Variants in MALRD1 observed in about 807,000 individuals in gnomAD.
The protein encoded by MALRD1 is MAM and LDL receptor class A domain containing 1, also known as MAM and LDL-receptor class A domain-containing protein 1.
A neutral mutation model predicts 242.1 loss-of-function variants in MALRD1; 247 were observed. The ratio of observed to expected loss-of-function variants is 1.02; its 90% confidence interval spans 0.92 to 1.13. The LOEUF is 1.13. MALRD1 is among the 50% of genes most tolerant of loss of function. The pLI, the probability that MALRD1 is intolerant of heterozygous loss-of-function variation, is 0.00. For missense variants in MALRD1, 2,989 were observed against 2,533.1 expected (o/e 1.18, Z -3.86); for synonymous variants, 995 against 866.6 (o/e 1.15, Z -2.60).
rs115374275 is a variant in MALRD1 at position 19,295,726 on chromosome 10, G to A, written c.3419+12545G>A. Reference sequence around the variant, plus strand: ...TCAAGCTCCAGGAAGGTAGAAAGGAGGCTATTTTGTTCAACACTGTAGCCC... The same window carrying A: ...TCAAGCTCCAGGAAGGTAGAAAGGAAGCTATTTTGTTCAACACTGTAGCCC... On this transcript the variant is annotated intron_variant, in intron 21 of 39. Transcript: ENST00000454679. 6.0e-3 allele frequency among the ~76,000 whole-genome samples: 910 copies of A among 152,174 alleles called. 16 individuals carry two copies. The highest frequency in any genetic ancestry group is 0.021 in the African/African-American group (865 of 41,530).
At chr10:19,471,819 C>T (rs10764031) in intron 29 of MALRD1, among the ~76,000 whole-genome samples, 130,631 of 151,584 alleles carry the variant, frequency 0.86, 56,448 homozygotes, top group East Asian at 1. Flanking sequence ...ACAGGGTTTT[C>T]TTTGTGGATT....
At chr10:19,645,206 G>A (rs544792569) in intron 36 of MALRD1, among the ~76,000 whole-genome samples, 45 of 152,132 alleles carry the variant, frequency 3.0e-4, no homozygotes, top group African/African-American at 1.0e-3. Context: ...TTAGAATGGC[G>A]ATCATTAAAA....
At chr10:19,516,063 A>G (rs1833614460) in intron 31 of MALRD1, among the ~76,000 whole-genome samples, 1 of 152,240 alleles carries the variant, frequency 6.6e-6, no homozygotes, top group Non-Finnish European at 1.5e-5. Context: ...TTTTTAATAT[A>G]GAGATAACAT....
At chr10:19,434,133 T>C (rs979941391) in intron 28 of MALRD1, among the ~76,000 whole-genome samples, 1 of 152,168 alleles carries the variant, frequency 6.6e-6, no homozygotes, top group Non-Finnish European at 1.5e-5. Context: ...GAGTCACATA[T>C]TGCCCCAAAT....
In MALRD1 at chr10:19,681,144, A is replaced by G. The variant is rs552613807; in HGVS notation, c.6138-11138A>G. Among the ~76,000 whole-genome samples, 43 of 152,164 alleles carry G rather than the reference A, an allele frequency of 2.8e-4. No individual in the cohort carries two copies. The South Asian group carries it at 8.1e-3, about 29-fold the overall frequency. ...CTTGGGGTTGGTCTTCTTCTGGAGT[A>G]TCTTACTGAGGTTCTCTTGATTTCC... On this transcript the variant is annotated intron_variant, in intron 36 of 39. Transcript: ENST00000454679.
At position 19,061,788 on chromosome 10, in the gene MALRD1, C is replaced by T. The variant is rs75876554; in HGVS notation, c.200-4931C>T. On this transcript the variant is annotated intron_variant, in intron 1 of 39. Coordinates refer to ENST00000454679, the MANE Select transcript of MALRD1 (RefSeq NM_001142308.3). ...TTATACCATATACAACAAGGTACCT[C>T]AAAATGGATTGAAGACCTAACTGTA... Among the ~76,000 whole-genome samples the T allele has an allele frequency of 5.0e-3, 764 of 152,204 alleles. 13 individuals are homozygous for T. The highest frequency in any genetic ancestry group is 0.017 in the African/African-American group (717 of 41,534).
At chr10:19,418,775 G>T (rs1013395526) in intron 28 of MALRD1, among the ~76,000 whole-genome samples, 2 of 152,236 alleles carry the variant, frequency 1.3e-5, no homozygotes, top group East Asian at 3.9e-4. Flanking sequence ...AATTGTGATT[G>T]TCTCTCAGTT....
At chr10:19,566,512 T>TA (rs1836264208) in intron 32 of MALRD1, among the ~76,000 whole-genome samples, 1 of 151,574 alleles carries the variant, frequency 6.6e-6, no homozygotes, top group Non-Finnish European at 1.5e-5. Flanking sequence ...GATTTTTTAG[T>TA]AAGAGGGAGG....
chr10:19,709,626 G>A (rs1310598155), intron 38 of MALRD1, among the ~76,000 whole-genome samples: 3 of 152,094 alleles, frequency 2.0e-5, no homozygotes, highest in Admixed American at 6.6e-5. Context: ...TGGGTCCTAA[G>A]TATTCCCTAG....
chr10:19,279,242 G>T (rs954379407), intron 19 of MALRD1, among the ~76,000 whole-genome samples: 9 of 152,182 alleles, frequency 5.9e-5, no homozygotes, highest in African/African-American at 1.9e-4. Flanking sequence ...TTTTGTGATT[G>T]TTGTTGTTTT....
At chr10:19,142,233 A>G (rs72790766) in intron 10 of MALRD1, among the ~76,000 whole-genome samples, 1,633 of 151,514 alleles carry the variant, frequency 0.011, 12 homozygotes, top group Middle Eastern at 0.034. Context: ...GGGAAAGGAA[A>G]TACCAATATA....
Position 19,133,865 on chromosome 10 carries a change from A to G in MALRD1, c.1120A>G (p.Ile374Val). Residue 374 changes from isoleucine to valine, a missense_variant, in exon 9 of 40, where the codon ATA (isoleucine) becomes GTA (valine). Transcript: ENST00000454679. ...VRLYNNKEEE[I>V]FWTYNISTHS... is the part of the protein sequence containing the mutation. ...TCTCTTCAAATCAAAGGAAGAAGAA[A>G]TATTTTGGACATACAACATATCAAC... is the stretch of plus-strand genomic sequence containing the variant. 1 of 1,228,220 alleles carries G rather than the reference A, an allele frequency of 8.1e-7. No individual in the cohort carries two copies. The highest frequency in any genetic ancestry group is 1.0e-6 in the Non-Finnish European group (1 of 984,886). The allele number at this position is 1,228,220 out of a possible 1,614,324, so 76.1% of individuals were successfully genotyped here.
chr10:19,448,259 T>C (rs1005992746), intron 28 of MALRD1, among the ~76,000 whole-genome samples: 4 of 152,176 alleles, frequency 2.6e-5, no homozygotes, highest in African/African-American at 4.8e-5. Context: ...TATAAATCTA[T>C]TGGAACATTT....
intron 24 of MALRD1, among the ~76,000 whole-genome samples, chr10:19,341,462 ATGTATATATGTATATATATG>A (rs1843852045): frequency 8.7e-6 from 1 of 114,642 alleles, no homozygotes; most frequent in Non-Finnish European, 1.9e-5. Context: ...GTGTATATAT[ATGTATATATGTATATATATG>A]TGTATATATA....
chr10:19,488,604 T>G (rs190915589), intron 29 of MALRD1: 140 of 155,110 alleles, frequency 9.0e-4, no homozygotes, highest in Middle Eastern at 3.4e-3. Context: ...CATCTGTGAA[T>G]GCATGAAAAA....
At chr10:19,725,933 A>T (rs1383326416) in intron 38 of MALRD1, among the ~76,000 whole-genome samples, 1 of 152,168 alleles carries the variant, frequency 6.6e-6, no homozygotes, top group African/African-American at 2.4e-5. Flanking sequence ...CACACCACAT[A>T]CAGAAATTAG....
chr10:19,382,156 G>A (rs552335697), intron 26 of MALRD1, among the ~76,000 whole-genome samples: 72 of 152,266 alleles, frequency 4.7e-4, no homozygotes, highest in Non-Finnish European at 8.4e-4. Flanking sequence ...TAATATAAGA[G>A]TCTCAGACTT....
At chr10:19,158,235 T>C (rs1297872251) in intron 12 of MALRD1, among the ~76,000 whole-genome samples, 1 of 152,228 alleles carries the variant, frequency 6.6e-6, no homozygotes, top group Non-Finnish European at 1.5e-5. Context: ...CTCTTACTTT[T>C]AGGACTTCAC....
At chr10:19,202,069 C>T (rs1478700721) in intron 14 of MALRD1, among the ~76,000 whole-genome samples, 1 of 152,066 alleles carries the variant, frequency 6.6e-6, no homozygotes, top group East Asian at 1.9e-4. Context: ...CTGCCTAGGC[C>T]TCCCAAAGTA....
Sources: allele counts gnomAD v4.1 joint callset (sites outside exome capture counted in the v4.1 genomes callset), GRCh38; gene constraint gnomAD v4.1.1; transcripts MANE v1.5; gene names NCBI Gene and HGNC (gene_info 2026-07-23, HGNC 2026-07-21).